ZNF736: variants seen among roughly 807,000 people sequenced by gnomAD.
ZNF736 encodes the protein zinc finger protein 736.
A neutral mutation model predicts 11.7 loss-of-function variants in ZNF736; 6 were observed. That is an observed-to-expected ratio of 0.51 (90% confidence interval 0.28 to 1.01). The LOEUF is 1.01. Among genes scored for constraint, ZNF736 ranks in the 50% least tolerant of loss-of-function variants. The pLI, the probability that ZNF736 is intolerant of heterozygous loss-of-function variation, is 0.09. For missense variants in ZNF736, 444 were observed against 496.0 expected, an observed-to-expected ratio of 0.90 and a Z score of 1.00; for synonymous variants, 139 against 164.7, an observed-to-expected ratio of 0.84 and a Z score of 1.19.
intron 1 of ZNF736, among the ~76,000 whole-genome samples, chr7:64,322,592 A>G (rs1292335001): frequency 6.6e-6 from 1 of 152,206 alleles, no homozygotes; most frequent in Non-Finnish European, 1.5e-5. Context: ...CATCTAATAG[A>G]GAAGAAAGTT....
chr7:64,320,911 C>T (rs1457699561), intron 1 of ZNF736, among the ~76,000 whole-genome samples: 2 of 152,078 alleles, frequency 1.3e-5, no homozygotes, highest in Non-Finnish European at 2.9e-5. Context: ...GAAGTCATGT[C>T]GGTACATTTA....
chr7:64,339,091 C>T (rs977004248), intron 3 of ZNF736, among the ~76,000 whole-genome samples: 2 of 152,100 alleles, frequency 1.3e-5, no homozygotes, highest in Non-Finnish European at 2.9e-5. Context: ...GAGCACCTTT[C>T]TATATACCTG....
intron 1 of ZNF736, among the ~76,000 whole-genome samples, chr7:64,323,754 T>G (rs1789038796): frequency 6.6e-6 from 1 of 152,086 alleles, no homozygotes; most frequent in Non-Finnish European, 1.5e-5. Flanking sequence ...GGGGAAAGCA[T>G]CAGGAAGAAC....
chr7:64,342,871 ATTAT>A (rs1562675380), intron 3 of ZNF736, among the ~76,000 whole-genome samples: 1 of 151,192 alleles, frequency 6.6e-6, no homozygotes, highest in Non-Finnish European at 1.5e-5. Flanking sequence ...TTTATTTCTA[ATTAT>A]TTTATTTTAT....
rs1224330671 is a variant in ZNF736, at chr7:64,355,134, A to C, written c.*5987A>C. 2.6e-5 allele frequency: 4 copies of C among 155,850 alleles called. No individual in the cohort carries two copies. Among genetic ancestry groups the C allele is most frequent in the African/African-American group, 2.4e-5 (1 of 41,454 alleles). The allele number at this position is 155,850 out of a possible 1,614,324, so 9.7% of individuals were successfully genotyped here. A position where few individuals can be genotyped will look rare whatever the true frequency, so the allele number is the denominator to read the frequency against. On this transcript the variant is annotated 3_prime_UTR_variant, in exon 4 of 4. Transcript: ENST00000423484. ...GACATTTTAGCAAAACTAAGTGAAA[A>C]CCTTGTAAAATTTTCAGATTATGTT...
At chr7:64,324,593 T>A (rs1319051165) in intron 1 of ZNF736, among the ~76,000 whole-genome samples, 1 of 152,134 alleles carries the variant, frequency 6.6e-6, no homozygotes, top group Non-Finnish European at 1.5e-5. Flanking sequence ...ATCTCCATGC[T>A]CACATTTCAG....
intron 3 of ZNF736, among the ~76,000 whole-genome samples, chr7:64,346,441 A>G (rs581612): frequency 0.92 from 137,415 of 150,172 alleles, 62,987 homozygotes; most frequent in Non-Finnish European, 0.94. Flanking sequence ...TCATTTTGGA[A>G]GATACTTTTG....
intron 1 of ZNF736, among the ~76,000 whole-genome samples, chr7:64,332,262 G>A (rs1048078496): frequency 4.0e-5 from 6 of 151,426 alleles, no homozygotes; most frequent in Admixed American, 1.3e-4. Context: ...AGTGTCGGCC[G>A]GCTGAGAAAT....
chr7:64,318,887 A>G (rs1351816534), intron 1 of ZNF736, among the ~76,000 whole-genome samples: 4 of 152,066 alleles, frequency 2.6e-5, no homozygotes, highest in Non-Finnish European at 5.9e-5. Flanking sequence ...TTTACCCACA[A>G]CTCTGGGGGC....
At chr7:64,337,766 T>TTTTTTTTTTTTTTTTTTTTTTTTTTTTTG (rs1562673693) in intron 3 of ZNF736, among the ~76,000 whole-genome samples, 1 of 147,016 alleles carries the variant, frequency 6.8e-6, no homozygotes, top group Admixed American at 6.7e-5. Flanking sequence ...GTTTTTTTTT[T>TTTTTTTTTTTTTTTTTTTTTTTTTTTTTG]TTTTTGAGAC....
At chr7:64,335,957 A>G (rs1253269795) in intron 1 of ZNF736, among the ~76,000 whole-genome samples, 2 of 152,244 alleles carry the variant, frequency 1.3e-5, no homozygotes, top group Admixed American at 6.5e-5. Flanking sequence ...TGGGAACTAT[A>G]GACAGCTTTT....
chr7:64,337,746 G>GT (rs1187066176), intron 3 of ZNF736, among the ~76,000 whole-genome samples: 1 of 79,362 alleles, frequency 1.3e-5, no homozygotes, highest in African/African-American at 4.0e-5. Flanking sequence ...GTTTTGTTTT[G>GT]TTTTTTTTGG....
intron 1 of ZNF736, among the ~76,000 whole-genome samples, chr7:64,329,480 A>G (rs1233841402): frequency 6.6e-6 from 1 of 152,182 alleles, no homozygotes; most frequent in Admixed American, 6.5e-5. Flanking sequence ...GGGCACCCCA[A>G]TTTGAATAAC....
At chr7:64,317,936 C>A (rs958591542) in intron 1 of ZNF736, among the ~76,000 whole-genome samples, 9 of 151,344 alleles carry the variant, frequency 5.9e-5, no homozygotes, top group African/African-American at 2.2e-4. Context: ...ATTTTTTTTT[C>A]ATCAAGAAAC....
chr7:64,328,643 T>TCCC (rs1789115626), intron 1 of ZNF736, among the ~76,000 whole-genome samples: 1 of 152,060 alleles, frequency 6.6e-6, no homozygotes, highest in Non-Finnish European at 1.5e-5. Flanking sequence ...GCTCCTGTAG[T>TCCC]CCCAGCTACT....
intron 1 of ZNF736, among the ~76,000 whole-genome samples, chr7:64,329,407 G>T (rs1789128146): frequency 6.6e-6 from 1 of 152,060 alleles, no homozygotes; most frequent in African/African-American, 2.4e-5. Context: ...GGCTTTCCAA[G>T]TATTCAAAGG....
chr7:64,325,128 A>C (rs927089118), intron 1 of ZNF736, among the ~76,000 whole-genome samples: 2 of 152,098 alleles, frequency 1.3e-5, no homozygotes, highest in Admixed American at 6.6e-5. Flanking sequence ...TGAAATGTTA[A>C]ATACACGCTT....
chr7:64,349,300 TGTTGG>T lies in ZNF736; in HGVS notation c.*156_*160del. The T allele has an allele frequency of 2.3e-5, 16 of 685,568 alleles. No homozygotes were observed. The highest frequency in any genetic ancestry group is 3.7e-5 in the Non-Finnish European group (16 of 430,098). 42.5% of individuals were successfully genotyped at this position (685,568 alleles called of 1,614,324 possible). A position where few individuals can be genotyped will look rare whatever the true frequency, so the allele number is the denominator to read the frequency against. The stretch of plus-strand genomic sequence containing the variant: ...TTACTTTATAATCTGGTTGCTTATA[TGTTGG>T]GTACATATATAGCCCTTTGCTATTA... On this transcript the variant is annotated 3_prime_UTR_variant, in exon 4 of 4. Transcript: ENST00000423484.
chr7:64,325,188 A>C (rs1047315533), intron 1 of ZNF736, among the ~76,000 whole-genome samples: 6 of 152,234 alleles, frequency 3.9e-5, no homozygotes, highest in African/African-American at 1.2e-4. Context: ...AAAAGTTGGA[A>C]AAATACATTG....
Sources: allele counts gnomAD v4.1 joint callset (sites outside exome capture counted in the v4.1 genomes callset), GRCh38; gene constraint gnomAD v4.1.1; transcripts MANE v1.5; gene names NCBI Gene and HGNC (gene_info 2026-07-23, HGNC 2026-07-21).